The following RYR2 variants were observed in gnomAD, a reference collection of about 807,000 sequenced individuals.
The protein encoded by RYR2 is cardiac muscle ryanodine receptor-calcium release channel.
In RYR2, 227 loss-of-function variants were observed where a neutral mutation model predicts 601.1. The observed-to-expected ratio is 0.38, with a 90% CI of 0.34 to 0.42. The LOEUF is 0.42. Ranked by LOEUF, RYR2 falls within the 10% of genes least tolerant of loss-of-function variation. The pLI is 1.00. For missense variants in RYR2, 4,646 were observed against 6,156.5 expected, an observed-to-expected ratio of 0.75 and a Z score of 8.21; for synonymous variants, 2,223 against 2,175.1, an observed-to-expected ratio of 1.02 and a Z score of -0.61.
At chr1:237,556,852 T>TACA (rs1670940072) in intron 27 of RYR2, among the ~76,000 whole-genome samples, 1 of 124,052 alleles carries the variant, frequency 8.1e-6, no homozygotes, top group Non-Finnish European at 1.6e-5. Flanking sequence ...TCTATTCCTG[T>TACA]ACAGCAAACT....
At chr1:237,401,506 C>T (rs1558756633) in intron 10 of RYR2, among the ~76,000 whole-genome samples, 1 of 150,030 alleles carries the variant, frequency 6.7e-6, no homozygotes. Flanking sequence ...ATAAAGGCTA[C>T]ACATCAGACC....
intron 1 of RYR2, among the ~76,000 whole-genome samples, chr1:237,064,434 C>T (rs1047373382): frequency 2.0e-5 from 3 of 152,030 alleles, no homozygotes; most frequent in African/African-American, 7.2e-5. Context: ...ATACATGTAT[C>T]ACATTTACGT....
intron 29 of RYR2, among the ~76,000 whole-genome samples, chr1:237,588,173 T>G (rs1416750855): frequency 2.6e-5 from 4 of 152,202 alleles, no homozygotes; most frequent in Admixed American, 2.6e-4. Context: ...TCATTTACTC[T>G]TCCTTGAACA....
chr1:237,578,361 T>TGTA, intron 29 of RYR2, among the ~76,000 whole-genome samples: 1 of 152,116 alleles, frequency 6.6e-6, no homozygotes, highest in African/African-American at 2.4e-5. Context: ...GCAGGGTGCT[T>TGTA]TGTATGTGTA....
chr1:237,758,521 A>G (rs893994119), intron 82 of RYR2, among the ~76,000 whole-genome samples: 3 of 152,190 alleles, frequency 2.0e-5, no homozygotes, highest in Non-Finnish European at 4.4e-5. Flanking sequence ...TATCATACCT[A>G]CACTACGTGT....
chr1:237,305,661 G>A (rs931753876), intron 2 of RYR2, among the ~76,000 whole-genome samples: 3 of 152,122 alleles, frequency 2.0e-5, no homozygotes, highest in African/African-American at 7.2e-5. Context: ...TGAACTCCTG[G>A]GCTCAGGTGA....
intron 10 of RYR2, among the ~76,000 whole-genome samples, chr1:237,403,344 T>G (rs1703558770): frequency 6.6e-6 from 1 of 152,180 alleles, no homozygotes; most frequent in Non-Finnish European, 1.5e-5. Flanking sequence ...TCAGAAACAA[T>G]GGGAGACATG....
chr1:237,350,584 A>T (rs1237690517), intron 3 of RYR2, among the ~76,000 whole-genome samples: 18 of 90,034 alleles, frequency 2.0e-4, no homozygotes, highest in African/African-American at 8.9e-4. Context: ...AAAAAAAAAA[A>T]AAAAAAAAAA....
intron 80 of RYR2, among the ~76,000 whole-genome samples, chr1:237,749,859 A>G (rs1692394433): frequency 6.6e-6 from 1 of 152,092 alleles, no homozygotes; most frequent in South Asian, 2.1e-4. Context: ...ATAGAAAATA[A>G]TGTCAGCCAG....
At chr1:237,139,302 CA>C (rs879910763) in intron 1 of RYR2, among the ~76,000 whole-genome samples, 8 of 152,154 alleles carry the variant, frequency 5.3e-5, no homozygotes, top group Admixed American at 5.2e-4. Context: ...TGTGGGATTC[CA>C]CTGATATGAA....
chr1:237,682,440 G>A (rs1685970528), intron 62 of RYR2, among the ~76,000 whole-genome samples: 1 of 151,898 alleles, frequency 6.6e-6, no homozygotes, highest in African/African-American at 2.4e-5. Flanking sequence ...AATTAATTTT[G>A]GACCACATGT....
intron 24 of RYR2, among the ~76,000 whole-genome samples, chr1:237,521,425 G>T (rs761641858): frequency 7.2e-5 from 11 of 152,058 alleles, no homozygotes; most frequent in Non-Finnish European, 1.5e-4. Context: ...CCTTAATGGG[G>T]CCAGGCACGG....
intron 9 of RYR2, among the ~76,000 whole-genome samples, chr1:237,387,643 G>T (rs1702047030): frequency 6.6e-6 from 1 of 152,120 alleles, no homozygotes; most frequent in Non-Finnish European, 1.5e-5. Flanking sequence ...GCTTCCTATG[G>T]ATTGTTTTCT....
intron 37 of RYR2, among the ~76,000 whole-genome samples, 192 bp downstream of exon 37, chr1:237,615,035 A>T (rs1299745105): frequency 6.6e-6 from 1 of 152,090 alleles, no homozygotes; most frequent in Non-Finnish European, 1.5e-5. Flanking sequence ...TGTTTCCCAG[A>T]TGCTTTTTAC....
intron 29 of RYR2, among the ~76,000 whole-genome samples, chr1:237,573,515 T>G (rs1672916475): frequency 6.7e-6 from 1 of 149,372 alleles, no homozygotes; most frequent in Non-Finnish European, 1.5e-5. Context: ...CTATCCCAGT[T>G]CTGGAAGAGG....
intron 1 of RYR2, among the ~76,000 whole-genome samples, chr1:237,149,579 A>G (rs1674474259): frequency 6.6e-6 from 1 of 151,776 alleles, no homozygotes; most frequent in Non-Finnish European, 1.5e-5. Flanking sequence ...AGTAGCAGAA[A>G]AATTGTCAAA....
Position 237,131,918 on chromosome 1 carries a change from C to T in RYR2, c.48+89349C>T, listed in dbSNP as rs114076643. Among the ~76,000 whole-genome samples the T allele has an allele frequency of 3.3e-3, 502 of 151,920 alleles. 1 individual carries two copies. The highest frequency in any genetic ancestry group is 9.4e-3 in the African/African-American group (390 of 41,438). On this transcript the variant is annotated intron_variant, in intron 1 of 104. Transcript: ENST00000366574. ...AAAAAAATGTGTATGTAGGTGGGGACGCCCTACGTTGCCCAGGCTGGTCTC... is the reference window on the plus strand; with the variant it reads ...AAAAAAATGTGTATGTAGGTGGGGATGCCCTACGTTGCCCAGGCTGGTCTC...
intron 33 of RYR2, among the ~76,000 whole-genome samples, chr1:237,594,820 T>C (rs762178022): frequency 3.3e-4 from 49 of 149,950 alleles, no homozygotes; most frequent in Non-Finnish European, 7.0e-4. Flanking sequence ...TTAACTTTGT[T>C]ACCATCTCTA....
chr1:237,759,234 A>G (rs1246870547), intron 82 of RYR2, among the ~76,000 whole-genome samples: 1 of 152,020 alleles, frequency 6.6e-6, no homozygotes, highest in Non-Finnish European at 1.5e-5. Flanking sequence ...CTACAGGCAC[A>G]TGCTACCACG....
Sources: gnomAD v4.1 joint callset for allele counts (sites outside exome capture counted in the v4.1 genomes callset) on GRCh38, gnomAD v4.1.1 for gene constraint, MANE v1.5 for transcripts, NCBI Gene and HGNC (gene_info 2026-07-23, HGNC 2026-07-21) for gene names.